INPP4B: variants seen among roughly 807,000 people sequenced by gnomAD.
INPP4B encodes inositol polyphosphate-4-phosphatase type II B, also known as inositol polyphosphate 4-phosphatase type II.
INPP4B carries 55 observed loss-of-function variants against 122.5 expected under a neutral mutation model. The observed-to-expected ratio is 0.45, with a 90% CI of 0.36 to 0.56. The LOEUF is 0.56. Among genes scored for constraint, INPP4B ranks in the 20% least tolerant of loss-of-function variants. The pLI is 0.00. For missense variants in INPP4B, 1,000 were observed against 1,097.7 expected, an observed-to-expected ratio of 0.91 and a Z score of 1.26; for synonymous variants, 403 against 388.7, an observed-to-expected ratio of 1.04 and a Z score of -0.43.
intron 25 of INPP4B, among the ~76,000 whole-genome samples, chr4:142,067,605 A>G (rs1362938281): frequency 6.6e-6 from 1 of 152,196 alleles, no homozygotes; most frequent in Non-Finnish European, 1.5e-5. Context: ...TGAATGGCTA[A>G]CTAGAATAAA....
At chr4:142,325,362 G>A (rs766732187) in intron 7 of INPP4B, among the ~76,000 whole-genome samples, 1 of 152,174 alleles carries the variant, frequency 6.6e-6, no homozygotes, top group Non-Finnish European at 1.5e-5. Flanking sequence ...GTTGAGTTAC[G>A]TTTTTGACAA....
intron 2 of INPP4B, among the ~76,000 whole-genome samples, chr4:142,653,273 G>A (rs1375369757): frequency 6.6e-6 from 1 of 152,148 alleles, no homozygotes; most frequent in Non-Finnish European, 1.5e-5. Flanking sequence ...AAAAACCCTA[G>A]AAGAAAACCT....
In INPP4B at chr4:142,461,167, G is replaced by A. The variant is rs34085060; in HGVS notation, c.-127+1496C>T. ...AGCCTGAGTGACACAGTGAGACCCTGAGTGACAGAGTGAGATTCATGGAAC... is the reference window on the plus strand; with the variant it reads ...AGCCTGAGTGACACAGTGAGACCCTAAGTGACAGAGTGAGATTCATGGAAC... On this transcript the variant is annotated intron_variant, in intron 3 of 25. Coordinates refer to ENST00000262992, the MANE Select transcript of INPP4B (RefSeq NM_001101669.3). Among the ~76,000 whole-genome samples the A allele has an allele frequency of 3.9e-3, 589 of 152,286 alleles. 4 individuals carry two copies. Among genetic ancestry groups the A allele is most frequent in the Non-Finnish European group, 6.4e-3 (433 of 68,012 alleles).
At chr4:142,406,856 A>T (rs1803494917) in intron 5 of INPP4B, among the ~76,000 whole-genome samples, 1 of 152,198 alleles carries the variant, frequency 6.6e-6, no homozygotes, top group East Asian at 1.9e-4. Context: ...AACTAGAACT[A>T]GAGGCTTGGA....
intron 9 of INPP4B, among the ~76,000 whole-genome samples, chr4:142,297,129 T>A (rs907658307): frequency 6.6e-6 from 1 of 152,202 alleles, no homozygotes; most frequent in African/African-American, 2.4e-5. Flanking sequence ...ATTGCTAAAG[T>A]TTTTAGTCTA....
At chr4:142,191,533 G>A (rs1241262378) in intron 15 of INPP4B, among the ~76,000 whole-genome samples, 5 of 152,112 alleles carry the variant, frequency 3.3e-5, no homozygotes, top group Admixed American at 2.0e-4. Flanking sequence ...TTCCCCCATG[G>A]GGCCTATGGT....
chr4:142,542,249 T>C (rs570798294), intron 2 of INPP4B, among the ~76,000 whole-genome samples: 1 of 152,292 alleles, frequency 6.6e-6, no homozygotes, highest in East Asian at 1.9e-4. Context: ...TTCTTATATT[T>C]CTTAGAGTCC....
chr4:142,398,404 ATATAT>A lies in INPP4B; in HGVS notation c.372+4529_372+4533del, dbSNP rs1562010987. On this transcript the variant is annotated intron_variant, in intron 7 of 25. Coordinates refer to ENST00000262992, the MANE Select transcript of INPP4B (RefSeq NM_001101669.3). ...AAAAAAAAAAAAAAAAAAAAAAAATATATATATATATATATATATATATATATATA... is the reference window on the plus strand; with the variant it reads ...AAAAAAAAAAAAAAAAAAAAAAAATAATATATATATATATATATATATATA... Among the ~76,000 whole-genome samples, 94 of 10,678 alleles carry A rather than the reference ATATAT, an allele frequency of 8.8e-3. 2 individuals carry two copies. Among genetic ancestry groups the A allele is most frequent in the African/African-American group, 0.02 (74 of 3,730 alleles). The allele number at this position is 10,678 out of a possible 152,430, so 7.0% of individuals were successfully genotyped here. A position where few individuals can be genotyped will look rare whatever the true frequency, so the allele number is the denominator to read the frequency against.
intron 15 of INPP4B, among the ~76,000 whole-genome samples, chr4:142,176,164 T>C (rs1177978520): frequency 6.7e-6 from 1 of 149,520 alleles, no homozygotes; most frequent in East Asian, 1.9e-4. Context: ...ATACTTTAAG[T>C]TCTAGGGTAC....
intron 2 of INPP4B, among the ~76,000 whole-genome samples, chr4:142,484,899 C>A (rs967832354): frequency 6.6e-6 from 1 of 151,940 alleles, no homozygotes; most frequent in East Asian, 1.9e-4. Flanking sequence ...AAATAGGGGT[C>A]CTGTATTTCG....
At chr4:142,236,960 A>C (rs1478157316) in intron 12 of INPP4B, among the ~76,000 whole-genome samples, 1 of 152,202 alleles carries the variant, frequency 6.6e-6, no homozygotes. Context: ...GAACCTTAAC[A>C]GTATTTTATA....
At chr4:142,512,593 G>A (rs1339080682) in intron 2 of INPP4B, among the ~76,000 whole-genome samples, 3 of 152,062 alleles carry the variant, frequency 2.0e-5, no homozygotes, top group African/African-American at 4.8e-5. Flanking sequence ...TGTAGCAGAC[G>A]ATTCTTATAT....
chr4:142,398,441 T>C (rs1162133851), intron 7 of INPP4B, among the ~76,000 whole-genome samples: 1 of 69,390 alleles, frequency 1.4e-5, no homozygotes, highest in African/African-American at 7.0e-5. Context: ...TATATATATA[T>C]ATATAAAACA....
At chr4:142,326,691 A>G (rs755847784) in intron 7 of INPP4B, among the ~76,000 whole-genome samples, 3 of 152,204 alleles carry the variant, frequency 2.0e-5, no homozygotes, top group Non-Finnish European at 2.9e-5. Flanking sequence ...GTGATAGGCT[A>G]CCCTAGAAAC....
At chr4:142,069,216 C>T (rs1329468756) in intron 25 of INPP4B, among the ~76,000 whole-genome samples, 1 of 152,150 alleles carries the variant, frequency 6.6e-6, no homozygotes, top group East Asian at 1.9e-4. Context: ...ACTGAACAAC[C>T]TGCTCCTGAA....
Position 142,314,712 on chromosome 4 carries a change from C to G in INPP4B, c.423G>C (p.Gly141=), listed in dbSNP as rs3756122. The G allele has an allele frequency of 0.14, 225,815 of 1,597,480 alleles. 21,294 individuals carry two copies. The highest frequency in any genetic ancestry group is 0.49 in the East Asian group (21,331 of 43,686). ...PEHKDPPPEV[G]RSFLGYASFK... ...TTCTGGAAACGTTAGAAACACTTAC[C>G]CCAACTTCTGGCGGGGGATCCTTAT... The change falls in exon 8 of 26, where the codon GGG becomes GGC. Residue 141 remains glycine, a splice_region_variant and synonymous_variant. Transcript: ENST00000262992.
intron 2 of INPP4B, among the ~76,000 whole-genome samples, chr4:142,564,454 AGAAAGAAAGAAAG>A (rs1489407445): frequency 8.9e-4 from 106 of 119,010 alleles, no homozygotes; most frequent in African/African-American, 3.5e-3. Flanking sequence ...AAAAAAAAAA[AGAAAGAAAGAAAG>A]AAAGAAAGAA....
Position 142,697,219 on chromosome 4 carries a change from C to T in INPP4B, c.-191+28620G>A, listed in dbSNP as rs368897843. 4.6e-5 allele frequency among the ~76,000 whole-genome samples: 7 copies of T among 152,234 alleles called. No individual in the cohort carries two copies. The East Asian group carries it at 9.7e-4, about 21-fold the overall frequency. On this transcript the variant is annotated intron_variant, in intron 2 of 25. Transcript: ENST00000262992. ...TTATATGGTTTTGGTGAAAACACAT[C>T]GGTAACTGAACATGGGATGAACAAC...
intron 2 of INPP4B, among the ~76,000 whole-genome samples, chr4:142,481,124 ACT>A (rs1427155466): frequency 7.3e-6 from 1 of 137,892 alleles, no homozygotes; most frequent in Non-Finnish European, 1.5e-5. Flanking sequence ...ACAGAGCGAG[ACT>A]CTGTCTCAAA....
Sources: allele counts gnomAD v4.1 joint callset (sites outside exome capture counted in the v4.1 genomes callset), GRCh38; gene constraint gnomAD v4.1.1; transcripts MANE v1.5; gene names NCBI Gene and HGNC (gene_info 2026-07-23, HGNC 2026-07-21).